TYR: variants seen among roughly 807,000 people sequenced by gnomAD.
TYR encodes the protein tyrosinase.
In TYR, 58 loss-of-function variants were observed where a neutral mutation model predicts 51.5. That is an observed-to-expected ratio of 1.13 (90% CI 0.91 to 1.40). The LOEUF is 1.40. TYR is among the 40% of genes most tolerant of loss of function. The pLI, the probability that TYR is intolerant of heterozygous loss-of-function variation, is 0.00. For missense variants in TYR, 732 were observed against 647.4 expected (o/e 1.13, Z -1.42); for synonymous variants, 263 against 235.2 (o/e 1.12, Z -1.08).
chr11:89,262,488 G>T (rs532017010), intron 3 of TYR, among the ~76,000 whole-genome samples: 5 of 150,606 alleles, frequency 3.3e-5, no homozygotes, highest in Non-Finnish European at 7.4e-5. Flanking sequence ...AAATAGTAAA[G>T]ACTCGAGTAG....
At position 89,245,402 on chromosome 11, in the gene TYR, G is replaced by T. The variant is rs544126791; in HGVS notation, c.1184+17432G>T. 1.1e-4 allele frequency among the ~76,000 whole-genome samples: 16 copies of T among 152,224 alleles called. 1 individual carries two copies. The South Asian group carries it at 3.3e-3, about 32-fold the overall frequency. On this transcript the variant is annotated intron_variant, in intron 3 of 4. Transcript: ENST00000263321. The stretch of plus-strand genomic sequence containing the variant: ...AGTACTAAATACTGTTTCATAAAGG[G>T]TTTAGATGGAGGCTTAATAGAAGGA...
intron 3 of TYR, among the ~76,000 whole-genome samples, chr11:89,258,561 T>C (rs1056505374): frequency 6.6e-6 from 1 of 151,990 alleles, no homozygotes; most frequent in African/African-American, 2.4e-5. Context: ...ATCATCTTCT[T>C]TGACACTTTT....
At chr11:89,204,397 A>ATT (rs71472253) in intron 2 of TYR, among the ~76,000 whole-genome samples, 4 of 145,604 alleles carry the variant, frequency 2.7e-5, no homozygotes, top group African/African-American at 7.5e-5. Context: ...GAGATTATAC[A>ATT]TTTTTTTTTT....
intron 3 of TYR, among the ~76,000 whole-genome samples, chr11:89,250,400 G>T (rs1348765867): frequency 1.3e-5 from 2 of 151,902 alleles, no homozygotes; most frequent in African/African-American, 2.4e-5. Context: ...ACTCACTTCT[G>T]TCTTACTTTA....
At chr11:89,281,576 C>A (rs1035453513) in intron 3 of TYR, among the ~76,000 whole-genome samples, 1 of 151,760 alleles carries the variant, frequency 6.6e-6, no homozygotes, top group Non-Finnish European at 1.5e-5. Context: ...GCTGCTCCTG[C>A]CCCTGGTAAG....
chr11:89,202,743 G>A (rs925480736), intron 2 of TYR, among the ~76,000 whole-genome samples: 1 of 151,808 alleles, frequency 6.6e-6, no homozygotes, highest in South Asian at 2.1e-4. Flanking sequence ...TCTATAGCTG[G>A]TTACTATATT....
intron 3 of TYR, among the ~76,000 whole-genome samples, chr11:89,245,952 A>AAAC (rs749300461): frequency 2.6e-5 from 4 of 151,932 alleles, no homozygotes; most frequent in Non-Finnish European, 4.4e-5. Flanking sequence ...AAAAAAAACA[A>AAAC]AACAGAATCT....
intron 3 of TYR, among the ~76,000 whole-genome samples, chr11:89,273,253 A>T (rs1944611784): frequency 6.6e-6 from 1 of 151,620 alleles, no homozygotes; most frequent in African/African-American, 2.4e-5. Context: ...ATTTAAAGTG[A>T]CTCTTCCTTT....
chr11:89,278,390 G>A (rs1453809395), intron 3 of TYR, among the ~76,000 whole-genome samples: 2 of 151,416 alleles, frequency 1.3e-5, no homozygotes, highest in Non-Finnish European at 3.0e-5. Flanking sequence ...ACCAATGCTG[G>A]GCCCAGAGCC....
At position 89,183,355 on chromosome 11, in the gene TYR, C is replaced by A. The variant is rs190564880; in HGVS notation, c.819+4583C>A. ...TCAGAACATCCAGGCTCAAATTCTA[C>A]CCCTGCCATTTAGTAGACGACATTG... On this transcript the variant is annotated intron_variant, in intron 1 of 4. Coordinates refer to ENST00000263321, the MANE Select transcript of TYR (RefSeq NM_000372.5). Among the ~76,000 whole-genome samples the A allele has an allele frequency of 4.6e-5, 7 of 152,138 alleles. 1 individual carries two copies. Among genetic ancestry groups the A allele is most frequent in the African/African-American group, 1.7e-4 (7 of 41,524 alleles).
chr11:89,178,853 C>T, intron 1 of TYR, 81 bp downstream of exon 1: 1 of 1,394,262 alleles, frequency 7.2e-7, no homozygotes, highest in South Asian at 1.2e-5. Flanking sequence ...AAACTTCTCA[C>T]CTGAACACTC....
intron 3 of TYR, among the ~76,000 whole-genome samples, chr11:89,245,644 T>C (rs377332349): frequency 3.3e-5 from 5 of 152,194 alleles, no homozygotes; most frequent in East Asian, 1.9e-4. Flanking sequence ...AGGAACAGGC[T>C]GGGCGTGGTG....
At chr11:89,206,184 T>A (rs1190805057) in intron 2 of TYR, among the ~76,000 whole-genome samples, 5 of 152,138 alleles carry the variant, frequency 3.3e-5, no homozygotes, top group Non-Finnish European at 7.4e-5. Context: ...TAAATGTGAA[T>A]AGTCTAAAAA....
chr11:89,245,733 T>A (rs910212615), intron 3 of TYR, among the ~76,000 whole-genome samples: 1 of 151,970 alleles, frequency 6.6e-6, no homozygotes, highest in Non-Finnish European at 1.5e-5. Context: ...CCATCCTGGC[T>A]AACATGGTGA....
chr11:89,205,286 A>C (rs1319659662), intron 2 of TYR, among the ~76,000 whole-genome samples: 1 of 152,140 alleles, frequency 6.6e-6, no homozygotes, highest in African/African-American at 2.4e-5. Flanking sequence ...AAAATGATTG[A>C]ACTTTTGTGT....
chr11:89,207,190 T>C (rs1230625547), intron 2 of TYR, among the ~76,000 whole-genome samples: 1 of 151,922 alleles, frequency 6.6e-6, no homozygotes, highest in Non-Finnish European at 1.5e-5. Context: ...AAGCAGCTGG[T>C]TTTTGGGAAA....
chr11:89,178,200 G>A lies in TYR; in HGVS notation c.247G>A (p.Val83Ile), dbSNP rs149684917. ...GVDDRESWPS[V>I]FYNRTCQCSG... ...GGATGACCGGGAGTCGTGGCCTTCC[G>A]TCTTTTATAATAGGACCTGCCAGTG... is the stretch of plus-strand genomic sequence containing the variant. The change falls in exon 1 of 5, where the codon GTC becomes ATC. Residue 83 changes from valine (V) to isoleucine (I), a missense_variant. Transcript: ENST00000263321. 74 of 1,614,140 alleles carry A rather than the reference G, an allele frequency of 4.6e-5. No individual in the cohort carries two copies. The highest frequency in any genetic ancestry group is 1.6e-4 in the Middle Eastern group (1 of 6,062).
intron 1 of TYR, among the ~76,000 whole-genome samples, chr11:89,184,497 C>T (rs1289733848): frequency 6.6e-6 from 1 of 152,056 alleles, no homozygotes; most frequent in African/African-American, 2.4e-5. Context: ...GGTATTGCTT[C>T]AGAATAAGGA....
Position 89,195,035 on chromosome 11 carries a change from C to T in TYR, c.1036+3617C>T, listed in dbSNP as rs190031820. Among the ~76,000 whole-genome samples the T allele has an allele frequency of 3.3e-3, 498 of 152,216 alleles. 1 individual carries two copies. Among genetic ancestry groups the T allele is most frequent in the African/African-American group, 6.5e-3 (272 of 41,552 alleles). On this transcript the variant is annotated intron_variant, in intron 2 of 4. Coordinates refer to ENST00000263321, the MANE Select transcript of TYR (RefSeq NM_000372.5). ...ATTTTATCTCACATCATGAATAGGA[C>T]AGGGATGTGGGGTGTCTTGGTCTAT...
Sources: gnomAD v4.1 joint callset for allele counts (sites outside exome capture counted in the v4.1 genomes callset) on GRCh38, gnomAD v4.1.1 for gene constraint, MANE v1.5 for transcripts, NCBI Gene and HGNC (gene_info 2026-07-23, HGNC 2026-07-21) for gene names.